KLRG2: variants seen among roughly 807,000 people sequenced by gnomAD.
KLRG2 encodes the protein killer cell lectin like receptor G2, also known as killer cell lectin-like receptor subfamily G member 2.
In KLRG2, 39 loss-of-function variants were observed where a neutral mutation model predicts 35.4. The ratio of observed to expected loss-of-function variants is 1.10; its 90% CI spans 0.85 to 1.44. The LOEUF (loss-of-function observed/expected upper bound fraction) is 1.44. Among genes scored for constraint, KLRG2 ranks in the 40% most tolerant of loss-of-function variants. The pLI, the probability that KLRG2 is intolerant of heterozygous loss-of-function variation, is 0.00. For synonymous variants in KLRG2, 283 were observed against 265.8 expected (o/e 1.06, Z -0.63); for missense variants, 632 against 570.9 (o/e 1.11, Z -1.09).
At chr7:139,431,609 C>T in the KLRG2 span, among the ~76,000 whole-genome samples, 6 of 152,250 alleles carry the variant, frequency 3.9e-5, no homozygotes, top group East Asian at 9.7e-4. Context: ...GCCTGCGATC[C>T]GCTAGGCCAG....
At position 139,453,616 on chromosome 7, in the gene KLRG2, G is replaced by C. The variant is rs1433411509; in HGVS notation, c.1201C>G (p.Pro401Ala). 9 of 1,611,166 alleles carry C rather than the reference G, an allele frequency of 5.6e-6. No individual in the cohort carries two copies. Among genetic ancestry groups the C allele is most frequent in the Middle Eastern group, 1.6e-4 (1 of 6,082 alleles). Residue 401 changes from proline (P) to alanine (A), a missense_variant, in exon 5 of 5, where the codon CCC (proline) becomes GCC (alanine). Coordinates refer to ENST00000340940, the MANE Select transcript of KLRG2 (RefSeq NM_198508.4). ...TGGGTCCCCTTGGCACAGACCCAGG[G>C]TCTTGGAGTGCTGCAGTTTGCAGCC... The part of the protein sequence containing the change: ...LVAANCSTPR[P>A]WVCAKGTQ
the KLRG2 span, among the ~76,000 whole-genome samples, chr7:139,438,964 G>A: frequency 1.5e-5 from 2 of 130,594 alleles, no homozygotes; most frequent in Non-Finnish European, 3.1e-5. Flanking sequence ...AAAGTGCTGG[G>A]ATTACAGGCG....
At chr7:139,474,809 C>T (rs752786729) in intron 3 of KLRG2, among the ~76,000 whole-genome samples, 3 of 152,054 alleles carry the variant, frequency 2.0e-5, no homozygotes, top group Non-Finnish European at 4.4e-5. Context: ...ATGTCTTGTC[C>T]ACAGTTCCTG....
intron 3 of KLRG2, among the ~76,000 whole-genome samples, chr7:139,468,174 TC>T (rs1402278459): frequency 2.6e-5 from 4 of 152,086 alleles, no homozygotes; most frequent in Non-Finnish European, 4.4e-5. Flanking sequence ...CATCCCCCTC[TC>T]CGAGAAACAC....
At chr7:139,433,498 T>A in the KLRG2 span, among the ~76,000 whole-genome samples, 2 of 152,230 alleles carry the variant, frequency 1.3e-5, no homozygotes, top group African/African-American at 4.8e-5. Context: ...GCTAATTTTG[T>A]ATTTTTTAGT....
the KLRG2 span, among the ~76,000 whole-genome samples, chr7:139,442,155 C>T: frequency 6.6e-6 from 1 of 152,116 alleles, no homozygotes; most frequent in Non-Finnish European, 1.5e-5. Context: ...AGGGACTTGC[C>T]CAGACCCAGG....
intron 3 of KLRG2, 137 bp from the exon 4 acceptor site, chr7:139,454,351 A>C (rs1796423862): frequency 4.8e-6 from 3 of 629,728 alleles, no homozygotes; most frequent in Non-Finnish European, 8.4e-6. Context: ...CTTGCAGAAC[A>C]AAAAAACCTT....
chr7:139,455,491 T>A (rs938109451), intron 3 of KLRG2, among the ~76,000 whole-genome samples: 12 of 151,976 alleles, frequency 7.9e-5, no homozygotes, highest in African/African-American at 2.9e-4. Context: ...CTGGCTAATT[T>A]TTTGTATTTT....
chr7:139,481,382 C>T (rs938750647), intron 1 of KLRG2, among the ~76,000 whole-genome samples: 1 of 152,252 alleles, frequency 6.6e-6, no homozygotes, highest in Non-Finnish European at 1.5e-5. Flanking sequence ...AGAAAATGTG[C>T]TCACATCAAA....
At chr7:139,443,414 AG>A in the KLRG2 span, among the ~76,000 whole-genome samples, 1 of 152,184 alleles carries the variant, frequency 6.6e-6, no homozygotes, top group Non-Finnish European at 1.5e-5. Flanking sequence ...AAATAAAATA[AG>A]GCAAGAGGGC....
the KLRG2 span, among the ~76,000 whole-genome samples, chr7:139,427,975 A>G: frequency 1.3e-5 from 2 of 152,318 alleles, no homozygotes; most frequent in East Asian, 3.9e-4. Flanking sequence ...AATAGGACAG[A>G]GTCAGCCGAC....
the KLRG2 span, among the ~76,000 whole-genome samples, chr7:139,433,281 T>G: frequency 6.6e-6 from 1 of 150,626 alleles, no homozygotes; most frequent in Non-Finnish European, 1.5e-5. Context: ...ATCCTGCACC[T>G]GGGAGGAGTC....
chr7:139,474,263 T>C (rs1365677122), intron 3 of KLRG2, among the ~76,000 whole-genome samples: 1 of 152,058 alleles, frequency 6.6e-6, no homozygotes, highest in African/African-American at 2.4e-5. Context: ...TGACCTCAAG[T>C]GATCCATCTG....
chr7:139,483,149 G>A lies in KLRG2; in HGVS notation c.494C>T (p.Ala165Val). 1.3e-6 allele frequency: 2 copies of A among 1,489,770 alleles called. No individual in the cohort carries two copies. Among genetic ancestry groups the A allele is most frequent in the Non-Finnish European group, 8.9e-7 (1 of 1,127,272 alleles). 92.3% of individuals were successfully genotyped at this position (1,489,770 alleles called of 1,614,324 possible). A position where few individuals can be genotyped will look rare whatever the true frequency, so the allele number is the denominator to read the frequency against. Residue 165 changes from alanine (A) to valine (V), a missense_variant, in exon 1 of 5, where the codon GCG becomes GTG. Physicochemically the swap from Ala to Val is moderately conservative, Grantham distance 64. Transcript: ENST00000340940. ...VPESPAFSRH[A>V]DPAHQLLLRA... is the part of the protein sequence containing the mutation. ...CAGCAGGAGCTGGTGCGCCGGGTCCGCGTGGCGGGAGAAGGCAGGGGACTC... is the reference window on the plus strand; with the variant it reads ...CAGCAGGAGCTGGTGCGCCGGGTCCACGTGGCGGGAGAAGGCAGGGGACTC...
At chr7:139,468,152 A>G (rs964209625) in intron 3 of KLRG2, among the ~76,000 whole-genome samples, 7 of 152,040 alleles carry the variant, frequency 4.6e-5, no homozygotes, top group African/African-American at 1.4e-4. Flanking sequence ...CTATTATCCT[A>G]TGACCCTGCC....
chr7:139,456,397 G>T (rs2116429759), intron 3 of KLRG2, among the ~76,000 whole-genome samples: 1 of 152,122 alleles, frequency 6.6e-6, no homozygotes, highest in Middle Eastern at 3.4e-3. Flanking sequence ...ACGGAGTCTT[G>T]CTCAGCCACC....
At chr7:139,469,446 C>G (rs111364295) in intron 3 of KLRG2, among the ~76,000 whole-genome samples, 15,316 of 152,060 alleles carry the variant, frequency 0.1, 806 homozygotes, top group Non-Finnish European at 0.12. Context: ...AGGTGTGAGC[C>G]ACCACGCCCA....
the KLRG2 span, among the ~76,000 whole-genome samples, chr7:139,432,544 AC>A: frequency 0.13 from 12,822 of 100,586 alleles, 831 homozygotes; most frequent in African/African-American, 0.21. Flanking sequence ...TGATTGCAGG[AC>A]CCCCCCCCCC....
At position 139,478,900 on chromosome 7, in the gene KLRG2, C is replaced by A. The variant is rs1585177746; in HGVS notation, c.1005+727G>T. ...AGCTGTCCAGCCAAGCCCAGCCTAT[C>A]AAAAGATGACCCAGAGACCAACGAT... On this transcript the variant is annotated intron_variant, in intron 3 of 4. Transcript: ENST00000340940. Among the ~76,000 whole-genome samples the A allele has an allele frequency of 3.3e-5, 5 of 152,064 alleles. No homozygotes were observed. The Middle Eastern group carries it at 0.017, about 517-fold the overall frequency.
Sources: gnomAD v4.1 joint callset for allele counts (sites outside exome capture counted in the v4.1 genomes callset) on GRCh38, gnomAD v4.1.1 for gene constraint, MANE v1.5 for transcripts, NCBI Gene and HGNC (gene_info 2026-07-23, HGNC 2026-07-21) for gene names.